The following CCDC40 variants were observed in gnomAD, a reference collection of about 807,000 sequenced individuals.
CCDC40 encodes coiled-coil domain-containing protein 40.
CCDC40 carries 104 observed loss-of-function variants against 124.5 expected under a neutral mutation model. The ratio of observed to expected loss-of-function variants is 0.84; its 90% CI spans 0.71 to 0.98. CCDC40 has a LOEUF of 0.98. Ranked by LOEUF, CCDC40 falls within the 50% of genes least tolerant of loss-of-function variation. The pLI, the probability that CCDC40 is intolerant of heterozygous loss-of-function variation, is 0.00. For synonymous variants in CCDC40, 580 were observed against 602.9 expected (o/e 0.96, Z 0.56); for missense variants, 1,463 against 1,503.9 (o/e 0.97, Z 0.45).
At chr17:80,083,221 G>C (rs575153066) in intron 12 of CCDC40, among the ~76,000 whole-genome samples, 1 of 151,978 alleles carries the variant, frequency 6.6e-6, no homozygotes, top group Non-Finnish European at 1.5e-5. Context: ...AGTTGGGGAG[G>C]GGGGAGGCAG....
At chr17:80,093,760 G>A (rs571854661) in intron 17 of CCDC40, among the ~76,000 whole-genome samples, 16 of 146,026 alleles carry the variant, frequency 1.1e-4, no homozygotes, top group African/African-American at 3.5e-4. Context: ...GTGATCCACC[G>A]GTTTCGGCCT....
At chr17:80,069,813 AAAG>A (rs531018602) in intron 10 of CCDC40, among the ~76,000 whole-genome samples, 18 of 147,874 alleles carry the variant, frequency 1.2e-4, no homozygotes, top group African/African-American at 4.3e-4. Flanking sequence ...AGAGAGAAAA[AAAG>A]AAAGAAAGAA....
rs948532763 is a variant in CCDC40 at position 80,081,876 on chromosome 17, G to A, written c.1807G>A (p.Glu603Lys). The change falls in exon 12 of 20, where the codon GAA becomes AAA. Residue 603 changes from glutamate to lysine, a missense_variant and splice_region_variant. Physicochemically the swap from Glu to Lys is moderately conservative, Grantham distance 56 (BLOSUM62 1). Transcript: ENST00000397545. ...GCACCCTGTGGCTCCTTGTCTCCAG[G>A]AACAAATGATACTCACGGAGGAGTT... The part of the protein sequence containing the change: ...TEDALSQDQL[E>K]QMILTEELQA... 1.1e-5 allele frequency: 17 copies of A among 1,614,002 alleles called. No individual in the cohort carries two copies. Among genetic ancestry groups the A allele is most frequent in the Non-Finnish European group, 1.3e-5 (15 of 1,180,048 alleles).
chr17:80,069,002 A>G (rs1230228455), intron 10 of CCDC40, among the ~76,000 whole-genome samples: 1 of 152,144 alleles, frequency 6.6e-6, no homozygotes, highest in Non-Finnish European at 1.5e-5. Flanking sequence ...GTCCGTCCAC[A>G]TGGGCGGGAG....
rs750885411 is a variant in CCDC40, at chr17:80,086,247, A to T, written c.2449+31A>T. The T allele has an allele frequency of 1.9e-6, 3 of 1,547,618 alleles. No homozygotes were observed. Among genetic ancestry groups the T allele is most frequent in the Non-Finnish European group, 2.6e-6 (3 of 1,140,906 alleles). On this transcript the variant is annotated intron_variant, in intron 14 of 19. Coordinates refer to ENST00000397545, the MANE Select transcript of CCDC40 (RefSeq NM_017950.4). This position sits in a 1 kb window ranked among gnomAD's most constrained non-coding sequence, Gnocchi z 5.5. ...AGCCGCCGTGCCCGGCCCTGCAGTG[A>T]TGCTGAGACGAGCTCTGGGACGTGG... is the stretch of plus-strand genomic sequence containing the variant.
chr17:80,040,241 G>C lies in CCDC40; in HGVS notation c.523G>C (p.Val175Leu). 1.2e-6 allele frequency: 2 copies of C among 1,613,842 alleles called. No individual in the cohort carries two copies. The highest frequency in any genetic ancestry group is 8.5e-7 in the Non-Finnish European group (1 of 1,179,970). ...VLGPSEQMGQ[V>L]TSGPAVGRLT... ...AGGCCCGTCGGAGCAAATGGGCCAG[G>C]TCACCTCTGGGCCAGCAGTGGGCAG... Residue 175 changes from valine to leucine, a missense_variant, in exon 3 of 20, where the codon GTC becomes CTC. Physicochemically the swap from Val to Leu is conservative, Grantham distance 32. Transcript: ENST00000397545.
chr17:80,065,761 A>G (rs2038030040), intron 10 of CCDC40, among the ~76,000 whole-genome samples, 155 bp downstream of exon 10: 1 of 152,162 alleles, frequency 6.6e-6, no homozygotes. Context: ...AAGCTCCCTC[A>G]TTGTTTGGTA....
Position 80,067,129 on chromosome 17 carries a change from C to A in CCDC40, c.1562+1523C>A, listed in dbSNP as rs575077050. 3.4e-4 allele frequency: 64 copies of A among 187,564 alleles called. No individual in the cohort carries two copies. The South Asian group carries it at 7.5e-3, about 22-fold the overall frequency. 11.6% of individuals were successfully genotyped at this position (187,564 alleles called of 1,614,324 possible). A position where few individuals can be genotyped will look rare whatever the true frequency, so the allele number is the denominator to read the frequency against. On this transcript the variant is annotated intron_variant, in intron 10 of 19. Transcript: ENST00000397545. ...TGGCCTGGCTCTCCGAGGCTCATGGCCTGTGAACCCTGCAGCGTCCCCAAG... is the reference window on the plus strand; with the variant it reads ...TGGCCTGGCTCTCCGAGGCTCATGGACTGTGAACCCTGCAGCGTCCCCAAG...
At chr17:80,036,980 C>CG (rs1362373039) in intron 1 of CCDC40, among the ~76,000 whole-genome samples, 1 of 152,200 alleles carries the variant, frequency 6.6e-6, no homozygotes, top group Non-Finnish European at 1.5e-5. Flanking sequence ...AACCCGGGAC[C>CG]GCTCACTCTG....
chr17:80,048,783 T>C (rs1028755899), intron 5 of CCDC40, 22 bp downstream of exon 5: 1 of 1,588,406 alleles, frequency 6.3e-7, no homozygotes, highest in Non-Finnish European at 8.6e-7. Flanking sequence ...TTCCCAGGTT[T>C]TGCTTTTGCC....
chr17:80,056,875 T>TA (rs907877772), intron 7 of CCDC40, among the ~76,000 whole-genome samples: 110 of 142,534 alleles, frequency 7.7e-4, no homozygotes, highest in Middle Eastern at 3.6e-3. Flanking sequence ...CCATCTCTAC[T>TA]AAAAAAAAAA....
Position 80,058,410 on chromosome 17 carries a change from T to G in CCDC40, c.1160-84T>G. On this transcript the variant is annotated intron_variant, in intron 7 of 19. Transcript: ENST00000397545. This position sits in a 1 kb window ranked among gnomAD's most constrained non-coding sequence, Gnocchi z 4.2. ...GGTGCCCAGAACGGCTGTTCCCTGC[T>G]TCCTCCTGGGTCTCTGCATGGGGGA... 7.5e-7 allele frequency: 1 copy of G among 1,327,680 alleles called. No homozygotes were observed. Among genetic ancestry groups the G allele is most frequent in the African/African-American group, 1.4e-5 (1 of 69,496 alleles). The allele number at this position is 1,327,680 out of a possible 1,614,324, so 82.2% of individuals were successfully genotyped here.
intron 16 of CCDC40, 155 bp from the exon 17 acceptor site, chr17:80,089,609 G>A: frequency 1.2e-6 from 1 of 863,218 alleles, no homozygotes; most frequent in Non-Finnish European, 1.9e-6. Flanking sequence ...GCCCAGTAGT[G>A]AACACTTCAG....
At chr17:80,081,261 T>C (rs899484788) in intron 10 of CCDC40, among the ~76,000 whole-genome samples, 3 of 152,082 alleles carry the variant, frequency 2.0e-5, no homozygotes, top group African/African-American at 4.8e-5. Context: ...GGCGCACACC[T>C]GTAATCCCAG....
chr17:80,089,206 G>A (rs1042136175), intron 16 of CCDC40, among the ~76,000 whole-genome samples: 2 of 152,120 alleles, frequency 1.3e-5, no homozygotes, highest in Non-Finnish European at 2.9e-5. Context: ...CCATCTTTCC[G>A]TGTCACACAC....
intron 7 of CCDC40, among the ~76,000 whole-genome samples, chr17:80,053,742 G>A (rs34780571): frequency 0.18 from 27,831 of 152,068 alleles, 3,142 homozygotes; most frequent in East Asian, 0.37. Context: ...ACAGGGGCCC[G>A]CCACCATGCC....
Position 80,086,456 on chromosome 17 carries a change from G to C in CCDC40, c.2449+240G>C. On this transcript the variant is annotated intron_variant, in intron 14 of 19. Transcript: ENST00000397545. This position sits in a 1 kb window ranked among gnomAD's most constrained non-coding sequence, Gnocchi z 5.5. ...TGTCACGAAATGGCTCCAAGCTCAC[G>C]GACTTCAGAGCTCTCCTTGAGAGAG... 1 of 505,078 alleles carries C rather than the reference G, an allele frequency of 2.0e-6. No individual in the cohort carries two copies. Among genetic ancestry groups the C allele is most frequent in the Non-Finnish European group, 3.6e-6 (1 of 276,254 alleles). The allele number at this position is 505,078 out of a possible 1,614,324, so 31.3% of individuals were successfully genotyped here. A position where few individuals can be genotyped will look rare whatever the true frequency, so the allele number is the denominator to read the frequency against.
chr17:80,048,870 G>C, intron 5 of CCDC40, 109 bp downstream of exon 5: 5 of 986,060 alleles, frequency 5.1e-6, no homozygotes, highest in Non-Finnish European at 6.3e-6. Context: ...TGCTGTACTT[G>C]TATCTCGCCT....
chr17:80,039,958 A>G lies in CCDC40; in HGVS notation c.240A>G (p.Glu80=), dbSNP rs2143576891. Residue 80 remains glutamate (E), a synonymous_variant, in exon 3 of 20, where the codon GAA becomes GAG. Coordinates refer to ENST00000397545, the MANE Select transcript of CCDC40 (RefSeq NM_017950.4). ...ETEGEAAVEG[E]EEAVSYGDAE... The stretch of plus-strand genomic sequence containing the variant: ...AAGGGGAAGCAGCAGTGGAAGGGGA[A>G]GAGGAGGCTGTGTCCTATGGAGATG... The G allele has an allele frequency of 2.5e-6, 4 of 1,613,818 alleles. No individual in the cohort carries two copies. The highest frequency in any genetic ancestry group is 1.3e-5 in the African/African-American group (1 of 75,020).
Sources: allele counts gnomAD v4.1 joint callset (sites outside exome capture counted in the v4.1 genomes callset), GRCh38; gene constraint gnomAD v4.1.1; non-coding constraint Gnocchi (gnomAD v3.1); transcripts MANE v1.5; gene names NCBI Gene and HGNC (gene_info 2026-07-23, HGNC 2026-07-21).